MXI1: variants seen among roughly 807,000 people sequenced by gnomAD.
MXI1 encodes the protein max-interacting protein 1.
Under a neutral mutation model 36.9 loss-of-function variants are expected in MXI1, and 18 were observed. The observed-to-expected ratio is 0.49, with a 90% CI of 0.34 to 0.72. The LOEUF (loss-of-function observed/expected upper bound fraction) is 0.72, where lower values mean the gene tolerates loss of function less well. MXI1 is among the 30% of genes least tolerant of loss of function. The pLI, the probability that MXI1 is intolerant of heterozygous loss-of-function variation, is 0.01. For synonymous variants in MXI1, 160 were observed against 146.7 expected (o/e 1.09, Z -0.65); for missense variants, 304 against 379.1 (o/e 0.80, Z 1.64).
intron 2 of MXI1, among the ~76,000 whole-genome samples, chr10:110,230,235 A>G (rs937197102): frequency 1.3e-5 from 2 of 152,218 alleles, no homozygotes; most frequent in African/African-American, 2.4e-5. Flanking sequence ...ACTCTTAGTC[A>G]TCTGTTGACT....
At chr10:110,274,024 T>C (rs1396001279) in intron 3 of MXI1, among the ~76,000 whole-genome samples, 1 of 152,220 alleles carries the variant, frequency 6.6e-6, no homozygotes, top group South Asian at 2.1e-4. Flanking sequence ...CTTCCTATTA[T>C]AGTTGATATA....
intron 2 of MXI1, among the ~76,000 whole-genome samples, chr10:110,231,298 C>G (rs937999960): frequency 6.6e-6 from 1 of 151,264 alleles, no homozygotes; most frequent in Non-Finnish European, 1.5e-5. Flanking sequence ...ACTTGGGAGG[C>G]GGAGGTTGCA....
intron 2 of MXI1, among the ~76,000 whole-genome samples, chr10:110,233,517 TC>T (rs1170809874): frequency 6.6e-6 from 1 of 152,116 alleles, no homozygotes; most frequent in Non-Finnish European, 1.5e-5. Context: ...TTTCTACTAT[TC>T]TGTGTTTTTC....
At chr10:110,251,825 C>G (rs1856102040) in intron 3 of MXI1, among the ~76,000 whole-genome samples, 1 of 152,038 alleles carries the variant, frequency 6.6e-6, no homozygotes, top group Non-Finnish European at 1.5e-5. Flanking sequence ...AAGCTGTGTT[C>G]AGGAAGGAGT....
chr10:110,232,586 G>A (rs964707718), intron 2 of MXI1, among the ~76,000 whole-genome samples: 8 of 152,266 alleles, frequency 5.3e-5, no homozygotes, highest in East Asian at 3.9e-4. Context: ...CCTGCGAGGC[G>A]GGCAGGGATT....
intron 2 of MXI1, among the ~76,000 whole-genome samples, chr10:110,236,571 C>G (rs543908907): frequency 1.3e-5 from 2 of 152,220 alleles, no homozygotes; most frequent in African/African-American, 2.4e-5. Context: ...ATTCTCCCAT[C>G]GCAGCCTCCT....
intron 5 of MXI1, among the ~76,000 whole-genome samples, chr10:110,282,230 C>T (rs1372170392): frequency 6.6e-6 from 1 of 152,158 alleles, no homozygotes; most frequent in Non-Finnish European, 1.5e-5. Context: ...TGTTCCAATC[C>T]ATTGCAGTCA....
chr10:110,280,069 T>A lies in MXI1; in HGVS notation c.708T>A (p.Arg236=). The stretch of plus-strand genomic sequence containing the variant: ...TTGGATCAACTATTTCTTCAGATCG[T>A]TCTGATTCAGAGCGAGGTAGGCAGC... ...DSIGSTISSD[R]SDSEREEIEV... is the part of the protein sequence containing the mutation. The change falls in exon 5 of 6, where the codon CGT becomes CGA. Residue 236 remains arginine, a synonymous_variant. Transcript: ENST00000332674. The A allele has an allele frequency of 6.3e-7, 1 of 1,590,786 alleles. No homozygotes were observed. Among genetic ancestry groups the A allele is most frequent in the Non-Finnish European group, 8.6e-7 (1 of 1,167,664 alleles).
chr10:110,237,628 A>G (rs1024549242), intron 2 of MXI1, among the ~76,000 whole-genome samples: 5 of 152,182 alleles, frequency 3.3e-5, no homozygotes, highest in African/African-American at 1.2e-4. Flanking sequence ...AGTCCCCAAC[A>G]TGTCTGCCCT....
intron 2 of MXI1, among the ~76,000 whole-genome samples, chr10:110,244,457 C>T (rs1163420777): frequency 6.6e-6 from 1 of 151,576 alleles, no homozygotes; most frequent in African/African-American, 2.4e-5. Flanking sequence ...CATGGAAGTA[C>T]ACCCACTTTT....
intron 5 of MXI1, among the ~76,000 whole-genome samples, chr10:110,281,535 GT>G (rs1370053986): frequency 8.7e-4 from 132 of 152,066 alleles, no homozygotes; most frequent in African/African-American, 3.2e-3. Flanking sequence ...CCCCTACACC[GT>G]TTTGGTAGAA....
chr10:110,276,881 CTG>C (rs1857054025), intron 3 of MXI1, among the ~76,000 whole-genome samples: 1 of 145,866 alleles, frequency 6.9e-6, no homozygotes, highest in African/African-American at 2.5e-5. Context: ...GAGTTTCACT[CTG>C]TGGCTCAGGC....
At chr10:110,222,381 C>T (rs1854838689) in intron 1 of MXI1, among the ~76,000 whole-genome samples, 1 of 152,296 alleles carries the variant, frequency 6.6e-6, no homozygotes, top group East Asian at 1.9e-4. Context: ...ATGGCCCCTT[C>T]CTCTCTCCCC....
intron 1 of MXI1, among the ~76,000 whole-genome samples, chr10:110,209,627 C>A (rs960917019): frequency 6.6e-6 from 1 of 152,192 alleles, no homozygotes; most frequent in Admixed American, 6.5e-5. Context: ...GGCTGTGCAG[C>A]CGAATCGCTT....
intron 3 of MXI1, among the ~76,000 whole-genome samples, chr10:110,252,435 A>T (rs987523157): frequency 1.3e-5 from 2 of 152,036 alleles, no homozygotes; most frequent in African/African-American, 4.8e-5. Flanking sequence ...CAGCGTGATC[A>T]TTTCCATCTT....
rs1554859686 is a variant in MXI1, at chr10:110,278,726, G to GTGTGCA, written c.438-452_438-451insTGCATG. Among the ~76,000 whole-genome samples the GTGTGCA allele has an allele frequency of 1.5e-3, 224 of 149,800 alleles. 2 individuals are homozygous for GTGTGCA. The highest frequency in any genetic ancestry group is 4.8e-3 in the African/African-American group (196 of 40,580). ...GGTGTGTGTGTGTGTGTGTGTGTGT[G>GTGTGCA]TGCCCACACACGTGCAAGCAAGTAA... On this transcript the variant is annotated intron_variant, in intron 3 of 5. Transcript: ENST00000332674.
chr10:110,271,422 T>C (rs1856848861), intron 3 of MXI1, among the ~76,000 whole-genome samples: 1 of 152,154 alleles, frequency 6.6e-6, no homozygotes, highest in African/African-American at 2.4e-5. Context: ...AAAACAGAAA[T>C]GACTAAAAGT....
At chr10:110,281,468 A>C (rs969109897) in intron 5 of MXI1, among the ~76,000 whole-genome samples, 1 of 152,162 alleles carries the variant, frequency 6.6e-6, no homozygotes, top group African/African-American at 2.4e-5. Flanking sequence ...CAAAGGCCAC[A>C]TTGCATTTGT....
chr10:110,210,748 G>A (rs900664990), intron 1 of MXI1, among the ~76,000 whole-genome samples: 3 of 152,232 alleles, frequency 2.0e-5, no homozygotes, highest in Admixed American at 2.0e-4. Context: ...GGCGGCGCTC[G>A]TCGTTGTTTT....
Sources: allele counts gnomAD v4.1 joint callset (sites outside exome capture counted in the v4.1 genomes callset), GRCh38; gene constraint gnomAD v4.1.1; transcripts MANE v1.5; gene names NCBI Gene and HGNC (gene_info 2026-07-23, HGNC 2026-07-21).